SULF1: variants seen among roughly 807,000 people sequenced by gnomAD.
SULF1 encodes the protein extracellular sulfatase Sulf-1.
SULF1 carries 46 observed loss-of-function variants against 110.5 expected under a neutral mutation model. The observed-to-expected ratio is 0.42, with a 90% CI of 0.33 to 0.53. The LOEUF (loss-of-function observed/expected upper bound fraction) is 0.53. Ranked by LOEUF, SULF1 falls within the 20% of genes least tolerant of loss-of-function variation. SULF1 has a pLI of 0.12. For synonymous variants in SULF1, 371 were observed against 387.1 expected (o/e 0.96, Z 0.49); for missense variants, 941 against 1,094.2 (o/e 0.86, Z 1.98).
intron 5 of SULF1, among the ~76,000 whole-genome samples, chr8:69,575,392 GA>G (rs1284887031): frequency 6.6e-6 from 1 of 151,864 alleles, no homozygotes; most frequent in East Asian, 1.9e-4. Flanking sequence ...TATCCTAATA[GA>G]AAAACTGGCA....
rs376696620 is a variant in SULF1, at chr8:69,554,999, CAAAA to C, written c.-133-8531_-133-8528del. On this transcript the variant is annotated intron_variant, in intron 3 of 22. Transcript: ENST00000402687. ...ATCTCAAAAAAAAAAAAAAAAAAAA[CAAAA>C]AAAAAAAACTTCATACATAAACTGA... 2.0e-3 allele frequency among the ~76,000 whole-genome samples: 135 copies of C among 68,476 alleles called. 1 individual carries two copies. Among genetic ancestry groups the C allele is most frequent in the African/African-American group, 7.3e-3 (124 of 17,078 alleles). 44.9% of individuals were successfully genotyped at this position (68,476 alleles called of 152,430 possible).
At chr8:69,571,154 G>C (rs552711604) in intron 5 of SULF1, among the ~76,000 whole-genome samples, 4 of 152,344 alleles carry the variant, frequency 2.6e-5, no homozygotes, top group South Asian at 2.1e-4. Flanking sequence ...GTTGACCTCT[G>C]TTCTCTCCTC....
chr8:69,528,484 G>A (rs564430483), intron 3 of SULF1, among the ~76,000 whole-genome samples: 1 of 152,286 alleles, frequency 6.6e-6, no homozygotes, highest in East Asian at 1.9e-4. Context: ...ATTGTGCTTT[G>A]TAGTCGAGAC....
rs145127325 is a variant in SULF1, at chr8:69,564,073, G to T, written c.98G>T (p.Arg33Leu). 1.2e-5 allele frequency: 20 copies of T among 1,614,030 alleles called. No individual in the cohort carries two copies. The highest frequency in any genetic ancestry group is 1.2e-4 in the Admixed American group (7 of 59,992). The change falls in exon 5 of 23, where the codon CGG becomes CTG. Residue 33 changes from arginine (R) to leucine (L), a missense_variant. By Grantham distance (102) the Arg-to-Leu change is moderately radical. Transcript: ENST00000402687. ...GTCAGATCCCCGAGGTTCAGAGGAC[G>T]GATACAGCAGGAACGAAAAAACATC... ...STVRSPRFRG[R>L]IQQERKNIRP...
intron 3 of SULF1, among the ~76,000 whole-genome samples, chr8:69,558,530 T>C (rs1230191102): frequency 2.0e-5 from 3 of 152,218 alleles, no homozygotes; most frequent in Non-Finnish European, 4.4e-5. Context: ...ATTTGTAAAA[T>C]TTTGTGTTAT....
intron 7 of SULF1, 148 bp from the exon 8 acceptor site, chr8:69,588,824 G>T (rs541532636): frequency 5.2e-6 from 3 of 575,806 alleles, no homozygotes; most frequent in South Asian, 8.9e-5. Context: ...GAAAATGTTC[G>T]GCTGCCTTGG....
At chr8:69,473,782 T>C in intron 1 of SULF1, among the ~76,000 whole-genome samples, 1 of 152,234 alleles carries the variant, frequency 6.6e-6, no homozygotes. Context: ...GACCAAATCT[T>C]CAGCTGAGCA....
intron 8 of SULF1, among the ~76,000 whole-genome samples, chr8:69,594,184 T>C (rs1031466912): frequency 2.0e-5 from 3 of 152,194 alleles, no homozygotes; most frequent in African/African-American, 7.2e-5. Flanking sequence ...CCTGAGTAGC[T>C]GGAATTACAG....
intron 3 of SULF1, among the ~76,000 whole-genome samples, chr8:69,506,527 A>G (rs1423191388): frequency 1.3e-5 from 2 of 152,166 alleles, no homozygotes; most frequent in East Asian, 1.9e-4. Context: ...CCAAACTCCA[A>G]TTGGATGAGA....
At chr8:69,584,834 G>A (rs546674114) in intron 6 of SULF1, among the ~76,000 whole-genome samples, 6 of 152,282 alleles carry the variant, frequency 3.9e-5, no homozygotes, top group Admixed American at 1.3e-4. Context: ...ATCTGTAGTC[G>A]TATATCAAAG....
At position 69,567,651 on chromosome 8, in the gene SULF1, A is replaced by T. The variant is rs187125983; in HGVS notation, c.172+3504A>T. Among the ~76,000 whole-genome samples, 13 of 152,274 alleles carry T rather than the reference A, an allele frequency of 8.5e-5. No homozygotes were observed. In the East Asian group the frequency reaches 2.3e-3, roughly 27 times the overall value. On this transcript the variant is annotated intron_variant, in intron 5 of 22. Coordinates refer to ENST00000402687, the MANE Select transcript of SULF1 (RefSeq NM_001128205.2). The stretch of plus-strand genomic sequence containing the variant: ...TGTCCTCAAGGCTCATCCATGTTGT[A>T]ACATGTGTCAGAGTGTCCTTCCTTT...
chr8:69,541,282 C>A (rs901947974), intron 3 of SULF1, among the ~76,000 whole-genome samples: 1 of 152,226 alleles, frequency 6.6e-6, no homozygotes, highest in Middle Eastern at 3.4e-3. Context: ...CGGAGGACAC[C>A]CCAACTAGTC....
intron 8 of SULF1, among the ~76,000 whole-genome samples, chr8:69,590,638 A>G (rs1806829657): frequency 6.6e-6 from 1 of 152,220 alleles, no homozygotes; most frequent in South Asian, 2.1e-4. Context: ...CCTACTGAGC[A>G]TGCCCAGGAA....
At chr8:69,532,818 T>C (rs1377764518) in intron 3 of SULF1, among the ~76,000 whole-genome samples, 1 of 152,200 alleles carries the variant, frequency 6.6e-6, no homozygotes, top group Non-Finnish European at 1.5e-5. Context: ...CTCCGCCCTT[T>C]CCCTCCCATC....
rs758443003 is a variant in SULF1, at chr8:69,604,868, A to G, written c.1313A>G (p.Tyr438Cys). 8 of 1,614,122 alleles carry G rather than the reference A, an allele frequency of 5.0e-6. No individual in the cohort carries two copies. The Admixed American group carries it at 1.3e-4, about 27-fold the overall frequency. The change falls in exon 13 of 23, where the codon TAT becomes TGT. Residue 438 changes from tyrosine (Y) to cysteine (C), a missense_variant. Physicochemically the swap from Tyr to Cys is radical, Grantham distance 194. Around this residue, in one of 3 missense-constraint regions of SULF1, gnomAD observed 822 missense variants for 934.3 expected, o/e 0.88. Coordinates refer to ENST00000402687, the MANE Select transcript of SULF1 (RefSeq NM_001128205.2). ...CAACAGTCAAATCACTTGCCCAAAT[A>G]TGAACGGGTCAAAGAACTATGCCAG... Reference protein sequence around the residue: ...NIQQSNHLPKYERVKELCQQA... With the variant: ...NIQQSNHLPKCERVKELCQQA...
At chr8:69,643,995 G>A (rs937793813) in intron 22 of SULF1, among the ~76,000 whole-genome samples, 2 of 152,194 alleles carry the variant, frequency 1.3e-5, no homozygotes, top group Admixed American at 6.5e-5. Context: ...CATGTGTCCC[G>A]GGGGTGTGTG....
intron 1 of SULF1, among the ~76,000 whole-genome samples, chr8:69,493,448 T>TACACACACACACACACACACACAC (rs56867664): frequency 3.5e-5 from 5 of 144,386 alleles, no homozygotes; most frequent in African/African-American, 1.0e-4. Flanking sequence ...CACACAACAC[T>TACACACACACACACACACACACAC]ACACACACAC....
At chr8:69,656,877 A>T (rs564449736) in intron 22 of SULF1, among the ~76,000 whole-genome samples, 2 of 152,202 alleles carry the variant, frequency 1.3e-5, no homozygotes, top group Non-Finnish European at 2.9e-5. Context: ...TTCTGGTTCT[A>T]AATCTTTGAG....
intron 19 of SULF1, among the ~76,000 whole-genome samples, chr8:69,637,052 A>ATG: frequency 1.3e-5 from 2 of 152,230 alleles, no homozygotes; most frequent in African/African-American, 2.4e-5. Context: ...TTGTTGTTGC[A>ATG]TAGAATAAGA....
Sources: gnomAD v4.1 joint callset for allele counts (sites outside exome capture counted in the v4.1 genomes callset) on GRCh38, gnomAD v4.1.1 for gene constraint, gnomAD v4.1.1 regional missense constraint, MANE v1.5 for transcripts, NCBI Gene and HGNC (gene_info 2026-07-23, HGNC 2026-07-21) for gene names.